SIPA1L2: variants seen among roughly 807,000 people sequenced by gnomAD.
SIPA1L2 encodes the protein signal induced proliferation associated 1 like 2, also known as signal-induced proliferation-associated 1-like protein 2.
SIPA1L2 carries 56 observed loss-of-function variants against 163.9 expected under a neutral mutation model. The ratio of observed to expected loss-of-function variants is 0.34; its 90% CI spans 0.28 to 0.43. The LOEUF (loss-of-function observed/expected upper bound fraction) is 0.43. Ranked by LOEUF, SIPA1L2 falls within the 20% of genes least tolerant of loss-of-function variation. SIPA1L2 has a pLI of 1.00. For missense variants in SIPA1L2, 1,974 were observed against 2,193.5 expected, an observed-to-expected ratio of 0.90 and a Z score of 2.00; for synonymous variants, 877 against 865.7, an observed-to-expected ratio of 1.01 and a Z score of -0.23.
chr1:232,458,039 AAGC>A (rs1157369355), intron 10 of SIPA1L2, among the ~76,000 whole-genome samples: 1 of 152,238 alleles, frequency 6.6e-6, no homozygotes, highest in Non-Finnish European at 1.5e-5. Flanking sequence ...GCTAGGCTTA[AAGC>A]CTTCATGACC....
At chr1:232,449,435 G>A (rs1286672877) in intron 10 of SIPA1L2, among the ~76,000 whole-genome samples, 4 of 151,284 alleles carry the variant, frequency 2.6e-5, no homozygotes, top group Admixed American at 6.6e-5. Flanking sequence ...GGAGAATGGC[G>A]TGAACCCAAG....
intron 2 of SIPA1L2, among the ~76,000 whole-genome samples, chr1:232,555,628 C>T (rs1014187064): frequency 2.0e-5 from 3 of 152,138 alleles, no homozygotes; most frequent in African/African-American, 7.2e-5. Context: ...TAATAATTAG[C>T]ATATGTAAGA....
At chr1:232,487,686 A>C (rs1665714570) in intron 5 of SIPA1L2, among the ~76,000 whole-genome samples, 1 of 152,030 alleles carries the variant, frequency 6.6e-6, no homozygotes, top group Non-Finnish European at 1.5e-5. Context: ...ATAAAGTAGC[A>C]AAACGTCTTG....
At chr1:232,422,406 T>C (rs1004514872) in intron 18 of SIPA1L2, among the ~76,000 whole-genome samples, 3 of 152,218 alleles carry the variant, frequency 2.0e-5, no homozygotes, top group Non-Finnish European at 4.4e-5. Context: ...CTGTAACTTT[T>C]AAAAGCTAAA....
chr1:232,468,949 G>T (rs528388998), intron 8 of SIPA1L2, among the ~76,000 whole-genome samples: 87 of 152,308 alleles, frequency 5.7e-4, no homozygotes, highest in South Asian at 1.7e-3. Flanking sequence ...GGCTCTGGGG[G>T]TGTTGCCTCA....
intron 10 of SIPA1L2, among the ~76,000 whole-genome samples, chr1:232,460,018 A>G (rs1664145085): frequency 6.6e-6 from 1 of 152,258 alleles, no homozygotes; most frequent in African/African-American, 2.4e-5. Context: ...GATTCCAAGC[A>G]TACTTTGTCT....
intron 10 of SIPA1L2, among the ~76,000 whole-genome samples, chr1:232,452,212 T>C (rs1466828593): frequency 6.6e-6 from 1 of 151,988 alleles, no homozygotes; most frequent in Non-Finnish European, 1.5e-5. Context: ...ACTCATGGGC[T>C]TTCTCCCCTG....
chr1:232,547,592 G>A (rs1273330948), intron 2 of SIPA1L2, among the ~76,000 whole-genome samples: 4 of 150,000 alleles, frequency 2.7e-5, no homozygotes, highest in African/African-American at 4.9e-5. Context: ...GGGGGCTGGG[G>A]GGGGCAGGGT....
At chr1:232,489,725 A>G (rs1665831905) in intron 5 of SIPA1L2, among the ~76,000 whole-genome samples, 1 of 152,248 alleles carries the variant, frequency 6.6e-6, no homozygotes, top group Non-Finnish European at 1.5e-5. Flanking sequence ...TAAAACATGC[A>G]GAAGAATCCT....
At chr1:232,471,630 GCA>G in intron 7 of SIPA1L2, 102 bp from the exon 8 acceptor site, 1 of 1,109,374 alleles carries the variant, frequency 9.0e-7, no homozygotes, top group Admixed American at 3.3e-5. Flanking sequence ...TTTTTAAAAA[GCA>G]CAGTCATTCT....
intron 2 of SIPA1L2, among the ~76,000 whole-genome samples, chr1:232,561,819 G>C (rs1292252903): frequency 1.3e-5 from 2 of 152,188 alleles, no homozygotes; most frequent in Non-Finnish European, 2.9e-5. Context: ...CAAAATGCAG[G>C]AGCAGGAGAG....
At chr1:232,454,892 C>T (rs1051301914) in intron 10 of SIPA1L2, among the ~76,000 whole-genome samples, 2 of 152,198 alleles carry the variant, frequency 1.3e-5, no homozygotes, top group African/African-American at 4.8e-5. Context: ...TGAATAAGTA[C>T]TACTGCATTT....
intron 19 of SIPA1L2, among the ~76,000 whole-genome samples, chr1:232,404,883 T>C (rs566877279): frequency 1.3e-5 from 2 of 152,190 alleles, no homozygotes; most frequent in Non-Finnish European, 2.9e-5. Context: ...AGCACACTTA[T>C]GTATCTACAG....
At position 232,414,101 on chromosome 1, in the gene SIPA1L2, A is replaced by G. The variant is rs192984618; in HGVS notation, c.4762+1393T>C. 3.9e-4 allele frequency among the ~76,000 whole-genome samples: 58 copies of G among 147,340 alleles called. No homozygotes were observed. In the East Asian group the frequency reaches 8.1e-3, roughly 21 times the overall value. ...AGCATCAGAGAATGAGGGTCTCCCC[A>G]CAAGGCAGACAGGCAGACAGGGCTC... On this transcript the variant is annotated intron_variant, in intron 19 of 22. Transcript: ENST00000674635.
Position 232,441,782 on chromosome 1 carries a change from G to A in SIPA1L2, c.3524C>T (p.Ala1175Val). ...TTCCTTATTACCCGGGTGCCTGCTTGCTTCCATGGTGTCTTCCCTCTCCCT... is the reference window on the plus strand; with the variant it reads ...TTCCTTATTACCCGGGTGCCTGCTTACTTCCATGGTGTCTTCCCTCTCCCT... Reference protein sequence around the residue: ...GAREREDTMEASRHPETKWHG... With the variant: ...GAREREDTMEVSRHPETKWHG... Residue 1175 changes from alanine (A) to valine (V), a missense_variant, in exon 13 of 23, where the codon GCA (alanine) becomes GTA (valine). Ala to Val is a moderately conservative substitution (Grantham distance 64). Around this residue, in one of 3 missense-constraint regions of SIPA1L2, gnomAD observed 1,079 missense variants for 1,150.7 expected, o/e 0.94. Transcript: ENST00000674635. 6.2e-7 allele frequency: 1 copy of A among 1,613,896 alleles called. No individual in the cohort carries two copies. The highest frequency in any genetic ancestry group is 8.5e-7 in the Non-Finnish European group (1 of 1,179,936).
chr1:232,515,436 G>C lies in SIPA1L2; in HGVS notation c.-97C>G, dbSNP rs1440022387. The C allele has an allele frequency of 3.1e-6, 4 of 1,294,726 alleles. No individual in the cohort carries two copies. The highest frequency in any genetic ancestry group is 3.0e-5 in the African/African-American group (2 of 67,604). 80.2% of individuals were successfully genotyped at this position (1,294,726 alleles called of 1,614,324 possible). A position where few individuals can be genotyped will look rare whatever the true frequency, so the allele number is the denominator to read the frequency against. On this transcript the variant is annotated 5_prime_UTR_variant, in exon 3 of 23. Transcript: ENST00000674635. ...CGCCATAATACTTGCAGATATAAAG[G>C]CTTTGTCTGTAGTTGTATTTTTTCT...
chr1:232,540,094 A>G (rs1657553883), intron 2 of SIPA1L2, among the ~76,000 whole-genome samples: 1 of 152,124 alleles, frequency 6.6e-6, no homozygotes. Flanking sequence ...ATAAGAGGTC[A>G]GGAGTTCGAA....
chr1:232,414,330 G>A (rs1234160330), intron 19 of SIPA1L2, among the ~76,000 whole-genome samples: 3 of 152,140 alleles, frequency 2.0e-5, no homozygotes, highest in Admixed American at 2.0e-4. Context: ...TACCAGCTGG[G>A]TAGAGCGAAG....
At chr1:232,427,705 A>C (rs944096958) in intron 17 of SIPA1L2, among the ~76,000 whole-genome samples, 2 of 152,240 alleles carry the variant, frequency 1.3e-5, no homozygotes, top group Non-Finnish European at 2.9e-5. Context: ...GCCAATAAGC[A>C]AGCTAACATT....
Sources: allele counts gnomAD v4.1 joint callset (sites outside exome capture counted in the v4.1 genomes callset), GRCh38; gene constraint gnomAD v4.1.1; regional missense constraint gnomAD v4.1.1; transcripts MANE v1.5; gene names NCBI Gene and HGNC (gene_info 2026-07-23, HGNC 2026-07-21).